Variants in CHST11 observed in about 807,000 individuals in gnomAD.
CHST11 encodes the protein C4S-1.
In CHST11, 9 loss-of-function variants were observed where a neutral mutation model predicts 30.4. That is an observed-to-expected ratio of 0.30 (90% CI 0.18 to 0.52). The LOEUF is 0.52. CHST11 is among the 20% of genes least tolerant of loss of function. CHST11 has a pLI of 0.97. For missense variants in CHST11, 348 were observed against 460.6 expected, an observed-to-expected ratio of 0.76 and a Z score of 2.24; for synonymous variants, 152 against 187.8, an observed-to-expected ratio of 0.81 and a Z score of 1.56.
chr12:104,682,745 C>T (rs750091857), intron 2 of CHST11, among the ~76,000 whole-genome samples: 1 of 152,230 alleles, frequency 6.6e-6, no homozygotes, highest in Non-Finnish European at 1.5e-5. Flanking sequence ...TGTGAAGCCA[C>T]CTCATTGGGA....
At chr12:104,614,163 T>C (rs565196657) in intron 2 of CHST11, among the ~76,000 whole-genome samples, 1 of 152,354 alleles carries the variant, frequency 6.6e-6, no homozygotes, top group Non-Finnish European at 1.5e-5. Context: ...ACCATGAATA[T>C]ATATAATTTT....
chr12:104,753,769 C>T (rs1234749792), intron 2 of CHST11, among the ~76,000 whole-genome samples: 1 of 152,236 alleles, frequency 6.6e-6, no homozygotes, highest in East Asian at 1.9e-4. Flanking sequence ...CTAACTGCCT[C>T]TTTCTACAGG....
At chr12:104,539,663 A>C (rs1168343399) in intron 1 of CHST11, among the ~76,000 whole-genome samples, 1 of 152,156 alleles carries the variant, frequency 6.6e-6, no homozygotes, top group Non-Finnish European at 1.5e-5. Flanking sequence ...GTCAGCCACA[A>C]TGGCATAATT....
chr12:104,714,988 G>A (rs942985193), intron 2 of CHST11, among the ~76,000 whole-genome samples: 17 of 152,338 alleles, frequency 1.1e-4, no homozygotes, highest in East Asian at 5.8e-4. Context: ...GAGCCCACTC[G>A]TGACCTGGAT....
intron 1 of CHST11, among the ~76,000 whole-genome samples, chr12:104,468,738 A>C (rs1449643479): frequency 2.0e-5 from 3 of 152,204 alleles, no homozygotes; most frequent in African/African-American, 7.2e-5. Context: ...AGTGCCTGGC[A>C]AGTGTAGGGG....
chr12:104,609,477 T>G (rs1288269662), intron 2 of CHST11, among the ~76,000 whole-genome samples: 2 of 152,228 alleles, frequency 1.3e-5, no homozygotes, highest in African/African-American at 4.8e-5. Context: ...TTCATTATTC[T>G]TGAACCAGGG....
chr12:104,516,903 C>G (rs975608490), intron 1 of CHST11, among the ~76,000 whole-genome samples: 2 of 152,082 alleles, frequency 1.3e-5, no homozygotes, highest in African/African-American at 4.8e-5. Flanking sequence ...TATCCTATGC[C>G]TAAGTTGATC....
rs71468228 is a variant in CHST11 at position 104,742,335 on chromosome 12, G to C, written c.205-14614G>C. ...CTGCCTCCCAAGAGCATCACCCTCTGGGAGGCCCATCGTGGTAGGGGAGGT... is the reference window on the plus strand; with the variant it reads ...CTGCCTCCCAAGAGCATCACCCTCTCGGAGGCCCATCGTGGTAGGGGAGGT... On this transcript the variant is annotated intron_variant, in intron 2 of 2. Coordinates refer to ENST00000303694, the MANE Select transcript of CHST11 (RefSeq NM_018413.6). Among the ~76,000 whole-genome samples the C allele has an allele frequency of 8.4e-3, 1,285 of 152,218 alleles. 6 individuals are homozygous for C. Among genetic ancestry groups the C allele is most frequent in the Non-Finnish European group, 0.015 (1,001 of 67,982 alleles).
intron 1 of CHST11, among the ~76,000 whole-genome samples, chr12:104,506,035 G>C (rs79481091): frequency 0.047 from 7,104 of 152,238 alleles, 245 homozygotes; most frequent in Non-Finnish European, 0.064. Context: ...AGAACTGGAG[G>C]CATCACCAAG....
chr12:104,697,400 G>A (rs2136111165), intron 2 of CHST11, among the ~76,000 whole-genome samples: 1 of 152,228 alleles, frequency 6.6e-6, no homozygotes, highest in South Asian at 2.1e-4. Context: ...TGAGGCCTTG[G>A]ATCAAACAAA....
At chr12:104,593,059 A>G (rs7954025) in intron 1 of CHST11, among the ~76,000 whole-genome samples, 42,836 of 151,972 alleles carry the variant, frequency 0.28, 6,176 homozygotes, top group African/African-American at 0.34. Flanking sequence ...ATGAAGCTGC[A>G]TCTTTTCCCA....
chr12:104,705,887 G>T (rs2040028149), intron 2 of CHST11, among the ~76,000 whole-genome samples: 2 of 151,306 alleles, frequency 1.3e-5, no homozygotes, highest in Admixed American at 1.3e-4. Context: ...ACCACTGCCT[G>T]GGAGACAGAG....
At chr12:104,684,319 AGTGGATGGATAGATGGACAGATAG>A (rs2039825917) in intron 2 of CHST11, among the ~76,000 whole-genome samples, 1 of 151,180 alleles carries the variant, frequency 6.6e-6, no homozygotes, top group Non-Finnish European at 1.5e-5. Flanking sequence ...TGGGTGAGTG[AGTGGATGGATAGATGGACAGATAG>A]GTGGATGGAT....
chr12:104,517,245 G>A lies in CHST11; in HGVS notation c.118+59716G>A, dbSNP rs1012138038. The stretch of plus-strand genomic sequence containing the variant: ...AGCGAAATTAAAACTGCACCCCAAA[G>A]TTCAGCGCCTGGGCTCCATCCTCAG... On this transcript the variant is annotated intron_variant, in intron 1 of 2. Coordinates refer to ENST00000303694, the MANE Select transcript of CHST11 (RefSeq NM_018413.6). Among the ~76,000 whole-genome samples the A allele has an allele frequency of 5.9e-5, 9 of 152,314 alleles. No individual in the cohort carries two copies. The East Asian group carries it at 1.7e-3, about 29-fold the overall frequency.
At chr12:104,513,131 G>GGGT (rs2037984447) in intron 1 of CHST11, among the ~76,000 whole-genome samples, 1 of 110,868 alleles carries the variant, frequency 9.0e-6, no homozygotes, top group Non-Finnish European at 1.9e-5. Flanking sequence ...ACTGGGGGGG[G>GGGT]GGGGGGTTGG....
At chr12:104,747,012 T>G (rs75641005) in intron 2 of CHST11, among the ~76,000 whole-genome samples, 4,647 of 152,276 alleles carry the variant, frequency 0.031, 142 homozygotes, top group East Asian at 0.17. Flanking sequence ...TCCAGTCCAG[T>G]TCTTTGCTTT....
chr12:104,589,169 G>A (rs7301450), intron 1 of CHST11, among the ~76,000 whole-genome samples: 46,561 of 151,850 alleles, frequency 0.31, 7,521 homozygotes, highest in African/African-American at 0.41. Flanking sequence ...GGAGGCCGAG[G>A]TGGGTGGATT....
chr12:104,515,339 T>A (rs2135984357), intron 1 of CHST11, among the ~76,000 whole-genome samples: 1 of 152,284 alleles, frequency 6.6e-6, no homozygotes. Context: ...TCTGGCCCTT[T>A]ACAGGAAAAA....
chr12:104,605,379 A>T (rs1303868173), intron 2 of CHST11, among the ~76,000 whole-genome samples: 3 of 152,128 alleles, frequency 2.0e-5, no homozygotes, highest in African/African-American at 7.2e-5. Flanking sequence ...GGAGATCGAG[A>T]CCATCCTGGC....
Sources: gnomAD v4.1 joint callset for allele counts (sites outside exome capture counted in the v4.1 genomes callset) on GRCh38, gnomAD v4.1.1 for gene constraint, MANE v1.5 for transcripts, NCBI Gene and HGNC (gene_info 2026-07-23, HGNC 2026-07-21) for gene names.